The following EYS variants were observed in gnomAD, a reference collection of about 807,000 sequenced individuals.
EYS encodes EGF-like photoreceptor maintenance factor, also known as protein eyes shut homolog.
EYS carries 250 observed loss-of-function variants against 282.1 expected under a neutral mutation model. The ratio of observed to expected loss-of-function variants is 0.89; its 90% CI spans 0.80 to 0.98. EYS has a LOEUF of 0.98. EYS is among the 50% of genes least tolerant of loss of function. The probability of loss-of-function intolerance (pLI) is 0.00; values close to 1 mark genes in which losing one functional copy is unlikely to be tolerated. For synonymous variants in EYS, 1,355 were observed against 1,282.9 expected (o/e 1.06, Z -1.20); for missense variants, 4,016 against 3,709.0 (o/e 1.08, Z -2.15).
chr6:65,134,009 A>C (rs1775954440), intron 12 of EYS, among the ~76,000 whole-genome samples: 1 of 152,142 alleles, frequency 6.6e-6, no homozygotes, highest in South Asian at 2.1e-4. Flanking sequence ...ATATAAAAAA[A>C]TCTTAATATA....
chr6:65,385,770 C>T (rs1765775632), intron 7 of EYS, among the ~76,000 whole-genome samples: 2 of 151,920 alleles, frequency 1.3e-5, no homozygotes. Context: ...TACTCTACTA[C>T]TCCACAGATA....
intron 22 of EYS, among the ~76,000 whole-genome samples, chr6:64,703,130 C>G (rs9363116): frequency 0.68 from 103,033 of 151,364 alleles, 36,116 homozygotes; most frequent in Middle Eastern, 0.77. Flanking sequence ...AGAAAAAAGA[C>G]AAGGTAAGAG....
chr6:65,624,463 G>C (rs979910204), intron 2 of EYS, among the ~76,000 whole-genome samples: 6 of 152,142 alleles, frequency 3.9e-5, no homozygotes, highest in African/African-American at 1.4e-4. Flanking sequence ...GCTGAATTCA[G>C]AAAGATGCTG....
At chr6:64,313,297 A>C (rs924366439) in intron 29 of EYS, among the ~76,000 whole-genome samples, 1 of 54,578 alleles carries the variant, frequency 1.8e-5, no homozygotes, top group African/African-American at 4.5e-5. Context: ...TTGAAGATCA[A>C]CTCAATGAAA....
At chr6:64,643,122 C>CAA (rs1554188071) in intron 22 of EYS, among the ~76,000 whole-genome samples, 4 of 146,814 alleles carry the variant, frequency 2.7e-5, no homozygotes, top group African/African-American at 5.0e-5. Flanking sequence ...TCCCCCCCCC[C>CAA]AAAAAAAAAC....
In EYS at chr6:64,206,357, C is replaced by T. The variant is rs1011281966; in HGVS notation, c.6424+24235G>A. Among the ~76,000 whole-genome samples, 2 of 152,072 alleles carry T rather than the reference C, an allele frequency of 1.3e-5. 1 individual carries two copies. The highest frequency in any genetic ancestry group is 4.8e-5 in the African/African-American group (2 of 41,422). On this transcript the variant is annotated intron_variant, in intron 31 of 42. Coordinates refer to ENST00000503581, the MANE Select transcript of EYS (RefSeq NM_001142800.2). ...TATTAGAGGACTTCACTGGTTTTCC[C>T]AAGGGCCTCTCTTATTATTTTGTTA... is the stretch of plus-strand genomic sequence containing the variant.
At chr6:64,806,438 T>A (rs575433495) in intron 22 of EYS, among the ~76,000 whole-genome samples, 190 of 145,592 alleles carry the variant, frequency 1.3e-3, no homozygotes, top group Non-Finnish European at 2.1e-3. Context: ...TCTCAAATAT[T>A]TTTTTTAACA....
chr6:65,130,568 C>A, intron 12 of EYS, among the ~76,000 whole-genome samples: 1 of 151,766 alleles, frequency 6.6e-6, no homozygotes. Flanking sequence ...CCAAATACTG[C>A]ATATTGTCAC....
intron 36 of EYS, among the ~76,000 whole-genome samples, chr6:63,843,038 G>T (rs67767936): frequency 0.12 from 18,304 of 152,090 alleles, 1,325 homozygotes; most frequent in African/African-American, 0.19. Context: ...AGTCAGGGTA[G>T]TGTGATGCCT....
At chr6:64,287,702 T>C (rs1012107713) in intron 30 of EYS, among the ~76,000 whole-genome samples, 4 of 152,118 alleles carry the variant, frequency 2.6e-5, no homozygotes, top group Non-Finnish European at 2.9e-5. Context: ...TGTGACACCA[T>C]TTTATTTAAA....
chr6:64,784,185 ATC>A, intron 22 of EYS, among the ~76,000 whole-genome samples: 1 of 151,914 alleles, frequency 6.6e-6, no homozygotes, highest in Non-Finnish European at 1.5e-5. Context: ...TTATTGAATT[ATC>A]TTTCTTTTCT....
chr6:65,104,177 A>C (rs1055562180), intron 12 of EYS, among the ~76,000 whole-genome samples: 1 of 151,456 alleles, frequency 6.6e-6, no homozygotes, highest in Non-Finnish European at 1.5e-5. Context: ...AAGTGATTAC[A>C]CTATCATCAC....
intron 12 of EYS, among the ~76,000 whole-genome samples, chr6:65,081,867 A>G (rs1274156323): frequency 1.3e-5 from 2 of 152,054 alleles, no homozygotes; most frequent in Non-Finnish European, 2.9e-5. Flanking sequence ...AATGTATCCT[A>G]ATGCATGGTC....
intron 35 of EYS, among the ~76,000 whole-genome samples, chr6:63,870,805 T>C (rs1772782015): frequency 6.6e-6 from 1 of 152,182 alleles, no homozygotes; most frequent in African/African-American, 2.4e-5. Flanking sequence ...GCCTACCTCT[T>C]GAACCCCGTG....
chr6:65,575,200 A>C (rs1764618212), intron 2 of EYS, among the ~76,000 whole-genome samples: 1 of 151,894 alleles, frequency 6.6e-6, no homozygotes, highest in Admixed American at 6.6e-5. Context: ...TGTATTGCAC[A>C]CTTGTAACCC....
chr6:65,580,780 G>A lies in EYS; in HGVS notation c.-333+58998C>T, dbSNP rs191105504. ...ACTATTTCAATTTAATATAGCTAAT[G>A]TTCTAACCAGAAATTTATAATGTTA... On this transcript the variant is annotated intron_variant, in intron 2 of 42. Coordinates refer to ENST00000503581, the MANE Select transcript of EYS (RefSeq NM_001142800.2). Among the ~76,000 whole-genome samples the A allele has an allele frequency of 2.5e-3, 385 of 152,034 alleles. 3 individuals carry two copies. Among genetic ancestry groups the A allele is most frequent in the Admixed American group, 4.6e-3 (70 of 15,230 alleles).
chr6:64,499,867 A>T (rs1378201612), intron 26 of EYS, among the ~76,000 whole-genome samples: 1 of 152,100 alleles, frequency 6.6e-6, no homozygotes, highest in Non-Finnish European at 1.5e-5. Flanking sequence ...TTTCTGCTTA[A>T]CTCTGAAATG....
chr6:63,984,213 G>A (rs1329842259), intron 35 of EYS, among the ~76,000 whole-genome samples, 170 bp downstream of exon 35: 1 of 151,792 alleles, frequency 6.6e-6, no homozygotes, highest in South Asian at 2.1e-4. Flanking sequence ...CATTTCTTTG[G>A]ACAAACAAGA....
chr6:64,113,157 G>C (rs554099679), intron 31 of EYS, among the ~76,000 whole-genome samples: 147 of 152,140 alleles, frequency 9.7e-4, no homozygotes, highest in African/African-American at 3.3e-3. Context: ...TTTTCAACCT[G>C]TAAATGTAAT....
Sources: allele counts gnomAD v4.1 joint callset (sites outside exome capture counted in the v4.1 genomes callset), GRCh38; gene constraint gnomAD v4.1.1; transcripts MANE v1.5; gene names NCBI Gene and HGNC (gene_info 2026-07-23, HGNC 2026-07-21).